The following SCN8A variants were observed in gnomAD, a reference collection of about 807,000 sequenced individuals.
The protein encoded by SCN8A is sodium channel protein type 8 subunit alpha.
A neutral mutation model predicts 184.1 loss-of-function variants in SCN8A; 30 were observed. That is an observed-to-expected ratio of 0.16 (90% CI 0.12 to 0.22). The LOEUF is 0.22. Among genes scored for constraint, SCN8A ranks in the 10% least tolerant of loss-of-function variants. The pLI is 1.00. For synonymous variants in SCN8A, 852 were observed against 907.0 expected, an observed-to-expected ratio of 0.94 and a Z score of 1.09; for missense variants, 1,057 against 2,498.9, an observed-to-expected ratio of 0.42 and a Z score of 12.30.
intron 21 of SCN8A, among the ~76,000 whole-genome samples, chr12:51,783,941 C>T (rs1488237451): frequency 6.6e-6 from 1 of 152,062 alleles, no homozygotes; most frequent in East Asian, 1.9e-4. Context: ...TTACTAAAAC[C>T]TAGCTTTGAG....
intron 12 of SCN8A, among the ~76,000 whole-genome samples, chr12:51,734,897 A>G (rs1481634402): frequency 3.3e-5 from 5 of 152,248 alleles, no homozygotes; most frequent in Non-Finnish European, 5.9e-5. Context: ...ATGGATTACT[A>G]GCTGCTAATT....
At position 51,607,741 on chromosome 12, in the gene SCN8A, A is replaced by G. The variant is rs565579638; in HGVS notation, c.-55+16382A>G. ...TGCTGTATCACATTTATTGACTTCC[A>G]TATGTTAAGCCATCCCTGCATCCTT... On this transcript the variant is annotated intron_variant, in intron 1 of 26. Coordinates refer to ENST00000627620, the MANE Select transcript of SCN8A (RefSeq NM_001330260.2). 2.6e-5 allele frequency among the ~76,000 whole-genome samples: 4 copies of G among 152,192 alleles called. No individual in the cohort carries two copies. In the East Asian group the frequency reaches 5.8e-4, roughly 22 times the overall value.
chr12:51,712,140 A>G (rs1180302592), intron 11 of SCN8A, among the ~76,000 whole-genome samples: 1 of 152,234 alleles, frequency 6.6e-6, no homozygotes, highest in Non-Finnish European at 1.5e-5. Flanking sequence ...ACAGGGCAAT[A>G]TACCTGATGT....
intron 26 of SCN8A, among the ~76,000 whole-genome samples, chr12:51,804,211 G>A (rs1938627705): frequency 6.6e-6 from 1 of 152,138 alleles, no homozygotes; most frequent in South Asian, 2.1e-4. Context: ...TGAATCCCTG[G>A]ACGAATATAA....
At chr12:51,731,237 TTTC>T (rs143162901) in intron 12 of SCN8A, among the ~76,000 whole-genome samples, 28 of 150,890 alleles carry the variant, frequency 1.9e-4, no homozygotes, top group African/African-American at 3.2e-4. Context: ...CTTTTTTCTT[TTTC>T]TTCTTCTTTT....
At chr12:51,654,407 A>G (rs1477256666) in intron 1 of SCN8A, among the ~76,000 whole-genome samples, 1 of 152,186 alleles carries the variant, frequency 6.6e-6, no homozygotes, top group Non-Finnish European at 1.5e-5. Flanking sequence ...TTCTTTTGCA[A>G]GTGAATATCC....
At chr12:51,779,510 C>T (rs1272215515) in intron 20 of SCN8A, among the ~76,000 whole-genome samples, 1 of 152,196 alleles carries the variant, frequency 6.6e-6, no homozygotes, top group African/African-American at 2.4e-5. Context: ...ATATTCAACT[C>T]TGGATTGTCC....
At chr12:51,768,808 G>T in intron 16 of SCN8A, 57 bp from the exon 17 acceptor site, 1 of 1,437,206 alleles carries the variant, frequency 7.0e-7, no homozygotes, top group East Asian at 2.3e-5. Flanking sequence ...TTGCAACCCT[G>T]AGTTCGATGG....
chr12:51,686,795 T>TG (rs545951003), intron 4 of SCN8A, among the ~76,000 whole-genome samples: 7 of 152,232 alleles, frequency 4.6e-5, no homozygotes, highest in Admixed American at 3.9e-4. Context: ...AAAACAGCTC[T>TG]GGGGGGCCTC....
intron 12 of SCN8A, among the ~76,000 whole-genome samples, chr12:51,741,054 G>T (rs957050763): frequency 6.6e-6 from 1 of 152,172 alleles, no homozygotes; most frequent in Admixed American, 6.5e-5. Context: ...CCAAAGTGCT[G>T]GGATTATGGG....
At chr12:51,734,839 C>T (rs1250889997) in intron 12 of SCN8A, among the ~76,000 whole-genome samples, 2 of 152,220 alleles carry the variant, frequency 1.3e-5, no homozygotes, top group South Asian at 2.1e-4. Context: ...ATTAAAAGCA[C>T]AGTCATCATT....
At chr12:51,735,149 C>T (rs1942303542) in intron 12 of SCN8A, among the ~76,000 whole-genome samples, 1 of 152,148 alleles carries the variant, frequency 6.6e-6, no homozygotes, top group African/African-American at 2.4e-5. Flanking sequence ...GCCACTATAC[C>T]ACCATGGTTC....
chr12:51,647,912 T>G (rs1940626199), intron 1 of SCN8A, among the ~76,000 whole-genome samples: 1 of 152,204 alleles, frequency 6.6e-6, no homozygotes, highest in African/African-American at 2.4e-5. Flanking sequence ...TATATCAACA[T>G]GCAAAGAGCT....
intron 1 of SCN8A, among the ~76,000 whole-genome samples, chr12:51,641,977 T>C (rs750730650): frequency 3.3e-5 from 5 of 152,208 alleles, no homozygotes; most frequent in Admixed American, 6.5e-5. Context: ...GAAGATGCAT[T>C]GGACATTCTA....
At chr12:51,715,838 C>T (rs999921571) in intron 11 of SCN8A, among the ~76,000 whole-genome samples, 1 of 152,066 alleles carries the variant, frequency 6.6e-6, no homozygotes, top group Non-Finnish European at 1.5e-5. Context: ...GCAGTGACCC[C>T]GTGCAGGTGT....
At chr12:51,592,205 C>T (rs1939240974) in intron 1 of SCN8A, among the ~76,000 whole-genome samples, 1 of 151,782 alleles carries the variant, frequency 6.6e-6, no homozygotes, top group African/African-American at 2.4e-5. Context: ...GGACCCTCCT[C>T]TCTAGTTCTC....
chr12:51,702,848 T>C lies in SCN8A; in HGVS notation c.1068T>C (p.Phe356=). The part of the protein sequence containing the change: ...PNYGYTSFDT[F]SWAFLALFRL... ...ATGGTTACACAAGTTTTGACACTTT[T>C]AGCTGGGCCTTCTTGGCATTATTTC... The change falls in exon 9 of 27, where the codon TTT becomes TTC. Residue 356 remains phenylalanine, a synonymous_variant. Transcript: ENST00000627620. 6.2e-7 allele frequency: 1 copy of C among 1,607,142 alleles called. No individual in the cohort carries two copies. Among genetic ancestry groups the C allele is most frequent in the Non-Finnish European group, 8.5e-7 (1 of 1,176,358 alleles).
At chr12:51,769,373 G>A (rs1474220677) in intron 17 of SCN8A, 38 bp downstream of exon 17, 1 of 1,459,302 alleles carries the variant, frequency 6.9e-7, no homozygotes, top group South Asian at 1.3e-5. Flanking sequence ...GATCCTGTGT[G>A]AGAGCAAACA....
At chr12:51,673,391 C>T (rs1228306939) in intron 2 of SCN8A, among the ~76,000 whole-genome samples, 1 of 152,118 alleles carries the variant, frequency 6.6e-6, no homozygotes, top group Non-Finnish European at 1.5e-5. Context: ...CCCGTGGATA[C>T]TGAGGAACAA....
Sources: allele counts gnomAD v4.1 joint callset (sites outside exome capture counted in the v4.1 genomes callset), GRCh38; gene constraint gnomAD v4.1.1; transcripts MANE v1.5; gene names NCBI Gene and HGNC (gene_info 2026-07-23, HGNC 2026-07-21).